Variants in ZFHX3 observed in about 807,000 individuals in gnomAD.
ZFHX3 encodes the protein zinc finger homeobox protein 3.
Under a neutral mutation model 279.1 loss-of-function variants are expected in ZFHX3, and 42 were observed. The observed-to-expected ratio is 0.15, with a 90% CI of 0.12 to 0.19. ZFHX3 has a LOEUF of 0.19. Ranked by LOEUF, ZFHX3 falls within the 10% of genes least tolerant of loss-of-function variation. The pLI, the probability that ZFHX3 is intolerant of heterozygous loss-of-function variation, is 1.00. For missense variants in ZFHX3, 4,981 were observed against 4,754.0 expected (o/e 1.05, Z -1.40); for synonymous variants, 2,293 against 1,957.8 (o/e 1.17, Z -4.52).
intron 7 of ZFHX3, among the ~76,000 whole-genome samples, chr16:72,803,949 A>G (rs1478621966): frequency 1.3e-5 from 2 of 152,196 alleles, no homozygotes; most frequent in African/African-American, 4.8e-5. Flanking sequence ...CAGTTCAACT[A>G]CCTTCCTCCC....
intron 1 of ZFHX3, among the ~76,000 whole-genome samples, chr16:73,711,673 C>T (rs1300059924): frequency 6.6e-6 from 1 of 152,156 alleles, no homozygotes; most frequent in Non-Finnish European, 1.5e-5. Flanking sequence ...GTACAGCAGA[C>T]ACAGAGAGAG....
intron 2 of ZFHX3, among the ~76,000 whole-genome samples, chr16:73,673,360 T>C (rs1317650332): frequency 6.6e-6 from 1 of 152,188 alleles, no homozygotes; most frequent in African/African-American, 2.4e-5. Flanking sequence ...TTGTTTCATA[T>C]GTATGAAATA....
intron 3 of ZFHX3, among the ~76,000 whole-genome samples, chr16:73,369,875 C>A (rs1298027960): frequency 6.6e-6 from 1 of 150,680 alleles, no homozygotes; most frequent in Non-Finnish European, 1.5e-5. Flanking sequence ...TCAACTATTA[C>A]AGTCAAAGCA....
At chr16:73,747,656 T>C (rs925720382) in intron 1 of ZFHX3, among the ~76,000 whole-genome samples, 1 of 152,152 alleles carries the variant, frequency 6.6e-6, no homozygotes, top group Non-Finnish European at 1.5e-5. Context: ...CTCCCTCAGA[T>C]AGATATAAGT....
intron 4 of ZFHX3, among the ~76,000 whole-genome samples, chr16:73,263,524 A>G (rs1314576644): frequency 6.6e-6 from 1 of 152,038 alleles, no homozygotes; most frequent in Non-Finnish European, 1.5e-5. Flanking sequence ...CTCCACCTAG[A>G]TTGACTGTCT....
chr16:73,468,898 C>CA (rs1321428925), intron 2 of ZFHX3, among the ~76,000 whole-genome samples: 1 of 152,150 alleles, frequency 6.6e-6, no homozygotes, highest in African/African-American at 2.4e-5. Flanking sequence ...GCCTCTACCA[C>CA]AATGGTCTCC....
At chr16:73,211,255 A>G (rs2012006731) in intron 5 of ZFHX3, among the ~76,000 whole-genome samples, 1 of 152,202 alleles carries the variant, frequency 6.6e-6, no homozygotes, top group African/African-American at 2.4e-5. Flanking sequence ...AAGCAGGTGA[A>G]TATCATGAAA....
At chr16:72,890,022 A>T (rs1483955139) in intron 3 of ZFHX3, 60 bp from the exon 4 acceptor site, 4 of 1,468,742 alleles carry the variant, frequency 2.7e-6, no homozygotes, top group Non-Finnish European at 3.7e-6. Context: ...GGCCACTGGC[A>T]TCAGCCCACA....
intron 5 of ZFHX3, among the ~76,000 whole-genome samples, chr16:73,161,477 G>T (rs924730583): frequency 2.0e-5 from 3 of 152,184 alleles, no homozygotes; most frequent in African/African-American, 7.2e-5. Context: ...TTGTGGAAGG[G>T]ATTATATGTC....
chr16:73,473,339 C>CAAAAAAAG (rs2018702949), intron 2 of ZFHX3, among the ~76,000 whole-genome samples: 1 of 76,658 alleles, frequency 1.3e-5, no homozygotes, highest in Non-Finnish European at 2.3e-5. Context: ...TGTCTCAAAG[C>CAAAAAAAG]AAAAAAAAAA....
At chr16:73,265,868 T>C (rs532072970) in intron 4 of ZFHX3, among the ~76,000 whole-genome samples, 4 of 152,338 alleles carry the variant, frequency 2.6e-5, no homozygotes, top group African/African-American at 7.2e-5. Context: ...TAAAGGGTCC[T>C]GAAGGGAAAA....
chr16:73,801,456 T>C (rs111676232), intron 1 of ZFHX3, among the ~76,000 whole-genome samples: 2 of 152,248 alleles, frequency 1.3e-5, no homozygotes, highest in African/African-American at 4.8e-5. Flanking sequence ...TCCAAAAAAA[T>C]TGGTTTGCAA....
chr16:73,067,008 C>G (rs1486454507), intron 8 of ZFHX3, among the ~76,000 whole-genome samples: 1 of 152,120 alleles, frequency 6.6e-6, no homozygotes, highest in African/African-American at 2.4e-5. Context: ...CCTCTGCACC[C>G]CTCAGCCCCA....
chr16:73,452,747 G>A lies in ZFHX3; in HGVS notation c.-1291+3256C>T, dbSNP rs115385746. Among the ~76,000 whole-genome samples the A allele has an allele frequency of 2.0e-3, 301 of 152,290 alleles. 1 individual carries two copies. The highest frequency in any genetic ancestry group is 6.4e-3 in the African/African-American group (265 of 41,572). On this transcript the variant is annotated intron_variant, in intron 3 of 17. Coordinates refer to the ZFHX3 transcript ENST00000641206. The stretch of plus-strand genomic sequence containing the variant: ...AGCTTGTGCCTGTCTAAAGTTTCAA[G>A]GTAGAACAATAGGATTTCAAATGAA...
intron 3 of ZFHX3, among the ~76,000 whole-genome samples, chr16:73,388,170 A>G (rs1266297172): frequency 2.6e-5 from 4 of 152,134 alleles, no homozygotes; most frequent in Non-Finnish European, 5.9e-5. Context: ...GCCACCATGG[A>G]AACAGGAAGC....
intron 1 of ZFHX3, among the ~76,000 whole-genome samples, chr16:73,845,134 A>G (rs1366652031): frequency 6.6e-6 from 1 of 152,216 alleles, no homozygotes; most frequent in Non-Finnish European, 1.5e-5. Context: ...GTTTGAAGTC[A>G]TTTTGAAATA....
chr16:73,400,368 C>T (rs889524855), intron 3 of ZFHX3: 5 of 152,164 alleles, frequency 3.3e-5, no homozygotes, highest in Admixed American at 3.3e-4. Flanking sequence ...GGGATATTCT[C>T]TCCCTGTTAC....
intron 2 of ZFHX3, among the ~76,000 whole-genome samples, chr16:73,566,672 C>T (rs973558903): frequency 2.0e-5 from 3 of 150,704 alleles, no homozygotes; most frequent in South Asian, 2.1e-4. Flanking sequence ...AGGTGCAGAC[C>T]ATCACACCAA....
At chr16:73,054,731 C>T (rs1405850795) in intron 1 of ZFHX3, among the ~76,000 whole-genome samples, 4 of 151,892 alleles carry the variant, frequency 2.6e-5, no homozygotes, top group African/African-American at 4.8e-5. Context: ...TCACAGCTGC[C>T]GCACTCAGTT....
Sources: allele counts gnomAD v4.1 joint callset (sites outside exome capture counted in the v4.1 genomes callset), GRCh38; gene constraint gnomAD v4.1.1; transcripts MANE v1.5; gene names NCBI Gene and HGNC (gene_info 2026-07-23, HGNC 2026-07-21).